Variants in SUGCT observed in about 807,000 individuals in gnomAD.
The protein encoded by SUGCT is succinyl-CoA:glutarate-CoA transferase.
In SUGCT, 41 loss-of-function variants were observed where a neutral mutation model predicts 55.0. That is an observed-to-expected ratio of 0.74 (90% CI 0.58 to 0.97). SUGCT has a LOEUF of 0.97. Ranked by LOEUF, SUGCT falls within the 50% of genes least tolerant of loss-of-function variation. The pLI, the probability that SUGCT is intolerant of heterozygous loss-of-function variation, is 0.00. For missense variants in SUGCT, 568 were observed against 547.8 expected, an observed-to-expected ratio of 1.04 and a Z score of -0.37; for synonymous variants, 187 against 200.4, an observed-to-expected ratio of 0.93 and a Z score of 0.56.
rs1185053096 is a variant in SUGCT at position 40,688,143 on chromosome 7, T to C, written c.1090-61291T>C. Among the ~76,000 whole-genome samples the C allele has an allele frequency of 2.6e-5, 4 of 152,232 alleles. No homozygotes were observed. In the East Asian group the frequency reaches 7.7e-4, roughly 29 times the overall value. On this transcript the variant is annotated intron_variant, in intron 12 of 13. Transcript: ENST00000335693. ...TGGTCAGTAATTATTAGTCCTTTGA[T>C]AAGCAGAGACCTCGGGACTGCCATG... is the stretch of plus-strand genomic sequence containing the variant.
intron 12 of SUGCT, among the ~76,000 whole-genome samples, chr7:40,621,829 G>A (rs376522924): frequency 3.3e-5 from 5 of 152,040 alleles, no homozygotes; most frequent in African/African-American, 1.2e-4. Flanking sequence ...GAGTTTTTAC[G>A]ATAGGCCAGA....
intron 11 of SUGCT, among the ~76,000 whole-genome samples, chr7:40,472,115 C>T (rs1188981550): frequency 1.3e-5 from 2 of 152,040 alleles, no homozygotes; most frequent in East Asian, 3.8e-4. Flanking sequence ...AGCAATTGTT[C>T]AATAGGCATA....
chr7:40,164,105 C>T (rs1784307570), intron 1 of SUGCT, among the ~76,000 whole-genome samples: 2 of 151,492 alleles, frequency 1.3e-5, no homozygotes, highest in South Asian at 2.1e-4. Flanking sequence ...TAGGCGTGAG[C>T]CACCATGCCT....
chr7:40,721,544 C>G (rs17171768), intron 12 of SUGCT, among the ~76,000 whole-genome samples: 10,112 of 152,208 alleles, frequency 0.066, 697 homozygotes, highest in East Asian at 0.3. Flanking sequence ...TAGGTCAAAT[C>G]TAGTCCAGAT....
intron 9 of SUGCT, among the ~76,000 whole-genome samples, chr7:40,372,590 A>G (rs1306054187): frequency 6.6e-6 from 1 of 152,002 alleles, no homozygotes; most frequent in Non-Finnish European, 1.5e-5. Context: ...CTATAGATTT[A>G]TTTTTCAACT....
At chr7:40,562,951 T>C (rs1372184578) in intron 12 of SUGCT, among the ~76,000 whole-genome samples, 2 of 152,198 alleles carry the variant, frequency 1.3e-5, no homozygotes, top group East Asian at 1.9e-4. Context: ...TTGGCTCTGA[T>C]AGTTGAAACA....
chr7:40,565,989 A>G (rs545630265), intron 12 of SUGCT, among the ~76,000 whole-genome samples: 221 of 93,526 alleles, frequency 2.4e-3, no homozygotes, highest in African/African-American at 0.01. Context: ...ACACACACAC[A>G]CACGCACACA....
chr7:40,763,121 T>G (rs1264690157), intron 13 of SUGCT, among the ~76,000 whole-genome samples: 1 of 152,118 alleles, frequency 6.6e-6, no homozygotes, highest in Non-Finnish European at 1.5e-5. Context: ...CCAGCCAGCA[T>G]AAAAAATTTT....
the SUGCT span, among the ~76,000 whole-genome samples, chr7:40,884,690 G>A: frequency 6.6e-6 from 1 of 152,180 alleles, no homozygotes; most frequent in Non-Finnish European, 1.5e-5. Context: ...CCTCTTGCTT[G>A]GTAGAAACAG....
At chr7:40,684,471 G>T (rs1784383916) in intron 12 of SUGCT, among the ~76,000 whole-genome samples, 1 of 152,152 alleles carries the variant, frequency 6.6e-6, no homozygotes, top group Non-Finnish European at 1.5e-5. Context: ...GAAACAAGTA[G>T]TATGGATAGA....
At chr7:40,861,722 G>C (rs1794488975), downstream of SUGCT, among the ~76,000 whole-genome samples, 1 of 152,188 alleles carries the variant, frequency 6.6e-6, no homozygotes, top group Non-Finnish European at 1.5e-5. Context: ...CAAACAAATA[G>C]GAACTTGTCT....
the SUGCT span, among the ~76,000 whole-genome samples, chr7:40,958,794 A>G: frequency 1.3e-5 from 2 of 151,946 alleles, no homozygotes; most frequent in Non-Finnish European, 1.5e-5. Flanking sequence ...CCTCATCTTC[A>G]TGGATTTGTC....
At chr7:40,272,113 G>GTA (rs1562633477) in intron 7 of SUGCT, among the ~76,000 whole-genome samples, 1 of 93,174 alleles carries the variant, frequency 1.1e-5, no homozygotes, top group African/African-American at 4.2e-5. Context: ...ATATATATAT[G>GTA]GATGTTTCAA....
intron 12 of SUGCT, among the ~76,000 whole-genome samples, chr7:40,604,087 G>A (rs1270999759): frequency 6.6e-6 from 1 of 152,034 alleles, no homozygotes; most frequent in Non-Finnish European, 1.5e-5. Context: ...AGTGGGGGAG[G>A]TTCCTCAATG....
chr7:40,813,397 T>A (rs1262965549), intron 13 of SUGCT, among the ~76,000 whole-genome samples: 1 of 152,192 alleles, frequency 6.6e-6, no homozygotes, highest in Non-Finnish European at 1.5e-5. Context: ...TGGTCCAATG[T>A]TGGATGTATA....
chr7:40,901,328 T>C, the SUGCT span, among the ~76,000 whole-genome samples: 1 of 152,242 alleles, frequency 6.6e-6, no homozygotes, highest in Non-Finnish European at 1.5e-5. Context: ...ACGAAGATCC[T>C]TTGATCACTT....
At chr7:40,393,234 C>T (rs1383456432) in intron 9 of SUGCT, among the ~76,000 whole-genome samples, 3 of 152,010 alleles carry the variant, frequency 2.0e-5, no homozygotes, top group African/African-American at 7.2e-5. Context: ...AGACACAGAA[C>T]AGGAATAATC....
intron 11 of SUGCT, among the ~76,000 whole-genome samples, chr7:40,477,518 C>A (rs1562804394): frequency 6.6e-6 from 1 of 152,062 alleles, no homozygotes; most frequent in Non-Finnish European, 1.5e-5. Flanking sequence ...CCTTTGGAAT[C>A]TTTTGGAATA....
At chr7:40,298,791 G>A (rs930104364) in intron 8 of SUGCT, among the ~76,000 whole-genome samples, 1 of 151,868 alleles carries the variant, frequency 6.6e-6, no homozygotes, top group African/African-American at 2.4e-5. Context: ...TCTGTATAAG[G>A]TTTTTAGACA....
Sources: allele counts gnomAD v4.1 joint callset (sites outside exome capture counted in the v4.1 genomes callset), GRCh38; gene constraint gnomAD v4.1.1; transcripts MANE v1.5; gene names NCBI Gene and HGNC (gene_info 2026-07-23, HGNC 2026-07-21).